The following CMYA5 variants were observed in gnomAD, a reference collection of about 807,000 sequenced individuals.
CMYA5 encodes cardiomyopathy-associated protein 5.
CMYA5 carries 246 observed loss-of-function variants against 318.9 expected under a neutral mutation model. The ratio of observed to expected loss-of-function variants is 0.77; its 90% CI spans 0.70 to 0.86. The LOEUF (loss-of-function observed/expected upper bound fraction) is 0.86. Ranked by LOEUF, CMYA5 falls within the 40% of genes least tolerant of loss-of-function variation. The probability of loss-of-function intolerance (pLI) is 0.00; values close to 1 mark genes in which losing one functional copy is unlikely to be tolerated. For synonymous variants in CMYA5, 1,641 were observed against 1,729.5 expected, an observed-to-expected ratio of 0.95 and a Z score of 1.27; for missense variants, 4,589 against 4,678.2, an observed-to-expected ratio of 0.98 and a Z score of 0.56.
At chr5:79,706,814 C>A (rs1827283470) in intron 1 of CMYA5, among the ~76,000 whole-genome samples, 2 of 152,150 alleles carry the variant, frequency 1.3e-5, no homozygotes, top group South Asian at 4.1e-4. Context: ...TTTGTATTTA[C>A]AATAATCAGG....
At chr5:79,704,661 T>C (rs1827236366) in intron 1 of CMYA5, among the ~76,000 whole-genome samples, 1 of 151,878 alleles carries the variant, frequency 6.6e-6, no homozygotes, top group Non-Finnish European at 1.5e-5. Context: ...GAGGGTGCCA[T>C]TTGGGGATAG....
intron 1 of CMYA5, 28 bp downstream of exon 1, chr5:79,690,084 G>T: frequency 7.2e-7 from 1 of 1,397,572 alleles, no homozygotes. Flanking sequence ...CCTCGGCCCA[G>T]GGCCTGCAGG....
intron 10 of CMYA5, among the ~76,000 whole-genome samples, chr5:79,790,381 T>C (rs552029709): frequency 6.6e-6 from 1 of 152,268 alleles, no homozygotes; most frequent in South Asian, 2.1e-4. Flanking sequence ...GCTACTCTCC[T>C]GTCTCAGCCT....
At position 79,735,901 on chromosome 5, in the gene CMYA5, A is replaced by T; in HGVS notation, c.7136A>T (p.Asp2379Val). Residue 2379 changes from aspartate (D) to valine (V), a missense_variant, in exon 2 of 13, where the codon GAT becomes GTT. Asp to Val is a radical substitution (Grantham distance 152). Around this residue, in one of 3 missense-constraint regions of CMYA5, gnomAD observed 2,431 missense variants for 2,495.1 expected, o/e 0.97. Coordinates refer to ENST00000446378, the MANE Select transcript of CMYA5 (RefSeq NM_153610.5). ...AAACAAAAATCACTCCTTTCATTTG[A>T]TGTAGTAGATAAGGTGCCACAACAG... ...DQKQKSLLSFDVVDKVPQQPK... is the reference protein window; with the variant it reads ...DQKQKSLLSFVVVDKVPQQPK... 1.3e-6 allele frequency: 2 copies of T among 1,592,342 alleles called. No individual in the cohort carries two copies. The highest frequency in any genetic ancestry group is 1.2e-5 in the South Asian group (1 of 86,380).
rs76167542 is a variant in CMYA5 at position 79,761,022 on chromosome 5, G to C, written c.11261-789G>C. On this transcript the variant is annotated intron_variant, in intron 7 of 12. Coordinates refer to ENST00000446378, the MANE Select transcript of CMYA5 (RefSeq NM_153610.5). ...AGATGTGACATTCAAGAGTCATAAG[G>C]GGGGGAAACTGAAATTACCATAGGC... Among the ~76,000 whole-genome samples the C allele has an allele frequency of 6.3e-3, 954 of 152,198 alleles. 8 individuals are homozygous for C. The highest frequency in any genetic ancestry group is 0.022 in the African/African-American group (922 of 41,520).
rs1561228862 is a variant in CMYA5, at chr5:79,778,813, G to GTGTGTGTGTGTGTGTGTGTA, written c.11556-10139_11556-10138insATGTGTGTGTGTGTGTGTGT. ...GCCGCCTGCCCCCCTCTCTCTTTCT[G>GTGTGTGTGTGTGTGTGTGTA]TGTGTGTGTGTGTGTGTGTGTGTAT... On this transcript the variant is annotated intron_variant, in intron 9 of 12. Coordinates refer to ENST00000446378, the MANE Select transcript of CMYA5 (RefSeq NM_153610.5). Among the ~76,000 whole-genome samples the GTGTGTGTGTGTGTGTGTGTA allele has an allele frequency of 1.1e-3, 106 of 99,908 alleles. 1 individual carries two copies. Among genetic ancestry groups the GTGTGTGTGTGTGTGTGTGTA allele is most frequent in the African/African-American group, 3.6e-3 (65 of 18,104 alleles). The allele number at this position is 99,908 out of a possible 152,430, so 65.5% of individuals were successfully genotyped here.
In CMYA5 at chr5:79,799,358, CT is replaced by C. The variant is rs752468103; in HGVS notation, c.11964-9del. 1.9e-6 allele frequency: 3 copies of C among 1,584,646 alleles called. No homozygotes were observed. The East Asian group carries it at 6.8e-5, about 36-fold the overall frequency. On this transcript the variant is annotated splice_polypyrimidine_tract_variant and intron_variant, in intron 12 of 12. Transcript: ENST00000446378. ...TCCAGAGTTTTATGTTTCCCATTCG[CT>C]TTCATTTCAGATACACATTTTTCTA...
intron 6 of CMYA5, among the ~76,000 whole-genome samples, chr5:79,754,361 T>A (rs1405212260): frequency 6.6e-6 from 1 of 152,216 alleles, no homozygotes. Context: ...ATACGATGGC[T>A]GGCATTGTGG....
Position 79,763,204 on chromosome 5 carries a change from C to A in CMYA5, c.11550C>A (p.Gly3850=). ...YCRQHSPEGE[G]LRSFSGIKGL... ...GACAGCACTCTCCTGAGGGAGAGGGCCTCAGGTGAGGGGCCCTCTCCATGG... is the reference window on the plus strand; with the variant it reads ...GACAGCACTCTCCTGAGGGAGAGGGACTCAGGTGAGGGGCCCTCTCCATGG... Residue 3850 remains glycine, a synonymous_variant, in exon 9 of 13, where the codon GGC becomes GGA. Transcript: ENST00000446378. 1 of 1,601,528 alleles carries A rather than the reference C, an allele frequency of 6.2e-7. No individual in the cohort carries two copies. The highest frequency in any genetic ancestry group is 8.5e-7 in the Non-Finnish European group (1 of 1,175,150).
At position 79,758,883 on chromosome 5, in the gene CMYA5, A is replaced by G. The variant is rs1828588944; in HGVS notation, c.11241A>G (p.Gln3747=). The part of the protein sequence containing the change: ...SFQVYCMEEP[Q]DDQEVNELVE... The stretch of plus-strand genomic sequence containing the variant: ...AGGTTTACTGCATGGAGGAGCCACA[A>G]GATGATCAAGAAGTAAATGGTAGGA... The change falls in exon 7 of 13, where the codon CAA becomes CAG. Residue 3747 remains glutamine (Q), a synonymous_variant. Coordinates refer to ENST00000446378, the MANE Select transcript of CMYA5 (RefSeq NM_153610.5). 5.7e-6 allele frequency: 9 copies of G among 1,589,454 alleles called. No individual in the cohort carries two copies. Among genetic ancestry groups the G allele is most frequent in the South Asian group, 4.7e-5 (4 of 85,718 alleles).
At chr5:79,771,778 T>G (rs1484152988) in intron 9 of CMYA5, among the ~76,000 whole-genome samples, 1 of 152,070 alleles carries the variant, frequency 6.6e-6, no homozygotes, top group Non-Finnish European at 1.5e-5. Flanking sequence ...AATGATGGAG[T>G]GAGGGTATGG....
chr5:79,731,021 C>G lies in CMYA5; in HGVS notation c.2256C>G (p.Pro752=). 1.2e-6 allele frequency: 2 copies of G among 1,613,988 alleles called. No homozygotes were observed. Among genetic ancestry groups the G allele is most frequent in the Non-Finnish European group, 1.7e-6 (2 of 1,179,884 alleles). The change falls in exon 2 of 13, where the codon CCC becomes CCG. Residue 752 remains proline, a synonymous_variant. Coordinates refer to ENST00000446378, the MANE Select transcript of CMYA5 (RefSeq NM_153610.5). ...FTPAVAPASE[P]SLSPSTTEKT... is the part of the protein sequence containing the mutation. ...CAGCTGTGGCCCCTGCTTCTGAGCC[C>G]TCTCTCTCACCATCCACAACCGAAA...
In CMYA5 at chr5:79,735,436, C is replaced by A. The variant is rs772531150; in HGVS notation, c.6671C>A (p.Pro2224His). The A allele has an allele frequency of 6.2e-7, 1 of 1,613,844 alleles. No homozygotes were observed. The highest frequency in any genetic ancestry group is 1.7e-5 in the Admixed American group (1 of 60,014). The change falls in exon 2 of 13, where the codon CCC becomes CAC. Residue 2224 changes from proline (P) to histidine (H), a missense_variant. Physicochemically the swap from Pro to His is moderately conservative, Grantham distance 77. Transcript: ENST00000446378. ...GTGATAGATCCTGAAGGTACAATTC[C>A]CACCAATTTTAATGTAGCTGAGAAA... ...VTVIDPEGTI[P>H]TNFNVAEKPA... is the part of the protein sequence containing the mutation.
At chr5:79,788,584 A>G (rs1299625089) in intron 9 of CMYA5, among the ~76,000 whole-genome samples, 1 of 143,458 alleles carries the variant, frequency 7.0e-6, no homozygotes. Context: ...TGGCTTTAGC[A>G]TGATGATCAT....
intron 1 of CMYA5, among the ~76,000 whole-genome samples, chr5:79,725,939 TAAAA>T (rs1328153244): frequency 6.6e-6 from 1 of 151,050 alleles, no homozygotes; most frequent in African/African-American, 2.4e-5. Context: ...AACTGGAAAT[TAAAA>T]AAGAATGTTT....
rs1200280255 is a variant in CMYA5 at position 79,733,536 on chromosome 5, A to G, written c.4771A>G (p.Lys1591Glu). 6.2e-7 allele frequency: 1 copy of G among 1,613,946 alleles called. No individual in the cohort carries two copies. Among genetic ancestry groups the G allele is most frequent in the Non-Finnish European group, 8.5e-7 (1 of 1,179,836 alleles). ...APTLLLLSDDKNKPAVEVSST... is the reference protein window; with the variant it reads ...APTLLLLSDDENKPAVEVSST... ...AACATTACTGCTCCTCAGTGATGAT[A>G]AGAACAAACCGGCAGTGGAGGTATC... Residue 1591 changes from lysine (K) to glutamate (E), a missense_variant, in exon 2 of 13, where the codon AAG becomes GAG. This residue lies in a region of CMYA5 where 2,132 missense variants were observed against 2,131.3 expected (regional missense o/e 1.00). Transcript: ENST00000446378.
intron 1 of CMYA5, among the ~76,000 whole-genome samples, chr5:79,714,957 A>G (rs1827485360): frequency 6.6e-6 from 1 of 152,224 alleles, no homozygotes; most frequent in South Asian, 2.1e-4. Flanking sequence ...CATTTAAAAA[A>G]TTTGTGAAAT....
At chr5:79,726,299 C>G (rs1282116043) in intron 1 of CMYA5, among the ~76,000 whole-genome samples, 2 of 152,112 alleles carry the variant, frequency 1.3e-5, no homozygotes, top group Non-Finnish European at 1.5e-5. Context: ...ATTCAAAATG[C>G]TGACTTCCCA....
rs1827901984 is a variant in CMYA5, at chr5:79,731,531, T to C, written c.2766T>C (p.Ser922=). Residue 922 remains serine (S), a synonymous_variant, in exon 2 of 13, where the codon TCT becomes TCC. Transcript: ENST00000446378. ...EAQEEEIVHR[S]LNLKGASSPM... Reference sequence around the variant, plus strand: ...AGGAGGAAGAAATTGTCCATAGATCTCTAAATCTAAAAGGTGCATCCTCAC... The same window carrying C: ...AGGAGGAAGAAATTGTCCATAGATCCCTAAATCTAAAAGGTGCATCCTCAC... The C allele has an allele frequency of 6.2e-7, 1 of 1,603,730 alleles. No homozygotes were observed. The highest frequency in any genetic ancestry group is 8.5e-7 in the Non-Finnish European group (1 of 1,175,270).
Sources: allele counts gnomAD v4.1 joint callset (sites outside exome capture counted in the v4.1 genomes callset), GRCh38; gene constraint gnomAD v4.1.1; regional missense constraint gnomAD v4.1.1; transcripts MANE v1.5; gene names NCBI Gene and HGNC (gene_info 2026-07-23, HGNC 2026-07-21).